ERICH3: variants seen among roughly 807,000 people sequenced by gnomAD.
ERICH3 encodes glutamate rich 3.
ERICH3 carries 126 observed loss-of-function variants against 131.1 expected under a neutral mutation model. The ratio of observed to expected loss-of-function variants is 0.96; its 90% CI spans 0.83 to 1.11. The LOEUF is 1.11. Among genes scored for constraint, ERICH3 ranks in the 50% most tolerant of loss-of-function variants. The pLI, the probability that ERICH3 is intolerant of heterozygous loss-of-function variation, is 0.00. For synonymous variants in ERICH3, 695 were observed against 644.6 expected (o/e 1.08, Z -1.18); for missense variants, 2,050 against 1,810.7 (o/e 1.13, Z -2.40).
intron 1 of ERICH3, among the ~76,000 whole-genome samples, chr1:74,667,598 T>C (rs1646704136): frequency 6.6e-6 from 1 of 152,208 alleles, no homozygotes; most frequent in Non-Finnish European, 1.5e-5. Flanking sequence ...TACCTCAGGT[T>C]CTGAATATTT....
At chr1:74,598,423 A>C (rs1012828723) in intron 11 of ERICH3, among the ~76,000 whole-genome samples, 6 of 151,918 alleles carry the variant, frequency 3.9e-5, no homozygotes, top group African/African-American at 1.4e-4. Context: ...TTTAATTAGA[A>C]AAGAAACTGT....
chr1:74,610,045 AC>A (rs1372319714), intron 9 of ERICH3, among the ~76,000 whole-genome samples: 1 of 152,052 alleles, frequency 6.6e-6, no homozygotes, highest in Non-Finnish European at 1.5e-5. Context: ...ATATATTTGC[AC>A]ATGGCTGATT....
intron 6 of ERICH3, among the ~76,000 whole-genome samples, chr1:74,635,881 G>A (rs557472301): frequency 3.3e-5 from 5 of 152,210 alleles, no homozygotes; most frequent in South Asian, 4.1e-4. Flanking sequence ...AAAGTAAGTC[G>A]GCATGCAAAT....
intron 6 of ERICH3, among the ~76,000 whole-genome samples, chr1:74,633,414 A>T (rs1646360063): frequency 1.3e-5 from 2 of 151,972 alleles, no homozygotes; most frequent in Non-Finnish European, 2.9e-5. Context: ...AAATAAGTAA[A>T]AAATAATGAC....
In ERICH3 at chr1:74,643,073, T is replaced by G. The variant is rs368977036; in HGVS notation, c.269A>C (p.Lys90Thr). The part of the protein sequence containing the change: ...MERYHQLEIK[K>T]KLETLARKER... ...CTTCCTAGCTAAGGTCTCCAATTTC[T>G]TTTTTATTTCAAGCTGATGGTAACG... The change falls in exon 4 of 15, where the codon AAG becomes ACG. Residue 90 changes from lysine (K) to threonine (T), a missense_variant. By Grantham distance (78) the Lys-to-Thr change is moderately conservative. Transcript: ENST00000326665. 3.0e-5 allele frequency: 49 copies of G among 1,610,854 alleles called. No individual in the cohort carries two copies. The highest frequency in any genetic ancestry group is 1.3e-5 in the African/African-American group (1 of 74,794).
At chr1:74,664,023 A>G (rs1318477543) in intron 1 of ERICH3, among the ~76,000 whole-genome samples, 3 of 152,096 alleles carry the variant, frequency 2.0e-5, no homozygotes. Context: ...TTTACATGGG[A>G]GATATAAAAA....
intron 6 of ERICH3, 27 bp from the exon 7 acceptor site, chr1:74,631,955 A>AC (rs1646342679): frequency 3.2e-6 from 5 of 1,583,870 alleles, no homozygotes; most frequent in Non-Finnish European, 4.3e-6. Flanking sequence ...TCGCATAAGA[A>AC]CCAGTGAAAC....
rs1166258932 is a variant in ERICH3 at position 74,591,330 on chromosome 1, C to A, written c.1727-1250G>T. On this transcript the variant is annotated intron_variant, in intron 11 of 14. Coordinates refer to ENST00000326665, the MANE Select transcript of ERICH3 (RefSeq NM_001002912.5). ...ATTTCAAGCCCCATCTCAATCTCAA[C>A]CTGATCCCATGGGCACTTCTGACAT... is the stretch of plus-strand genomic sequence containing the variant. Among the ~76,000 whole-genome samples, 133 of 152,164 alleles carry A rather than the reference C, an allele frequency of 8.7e-4. 3 individuals are homozygous for A. The highest frequency in any genetic ancestry group is 2.4e-4 in the Non-Finnish European group (16 of 68,026).
chr1:74,597,986 T>C (rs1417848699), intron 11 of ERICH3, among the ~76,000 whole-genome samples: 1 of 152,010 alleles, frequency 6.6e-6, no homozygotes, highest in Non-Finnish European at 1.5e-5. Flanking sequence ...TGCTGTAGTC[T>C]GCCACTGGTG....
intron 1 of ERICH3, among the ~76,000 whole-genome samples, chr1:74,665,047 A>G (rs1646676818): frequency 6.6e-6 from 1 of 152,120 alleles, no homozygotes; most frequent in South Asian, 2.1e-4. Flanking sequence ...TTGTATTAGG[A>G]GATGGGTTCT....
At chr1:74,639,222 A>G (rs1227469148) in intron 5 of ERICH3, among the ~76,000 whole-genome samples, 9 of 152,178 alleles carry the variant, frequency 5.9e-5, no homozygotes, top group Non-Finnish European at 4.4e-5. Flanking sequence ...CTCCTGTCAA[A>G]TAATCCAACT....
At chr1:74,651,461 T>A in intron 1 of ERICH3, among the ~76,000 whole-genome samples, 1 of 152,138 alleles carries the variant, frequency 6.6e-6, no homozygotes, top group East Asian at 1.9e-4. Context: ...TGAAACCATC[T>A]TTTAAATGAA....
chr1:74,631,993 T>C (rs1646342836), intron 6 of ERICH3, 65 bp from the exon 7 acceptor site: 1 of 1,422,702 alleles, frequency 7.0e-7, no homozygotes. Context: ...GTAACCCAAA[T>C]TTAAAGACAA....
intron 1 of ERICH3, among the ~76,000 whole-genome samples, chr1:74,672,902 A>G (rs1462706899): frequency 6.6e-6 from 1 of 152,152 alleles, no homozygotes; most frequent in African/African-American, 2.4e-5. Context: ...GAGTAAATAC[A>G]CAGGCACACA....
At chr1:74,611,678 G>A (rs1407260560) in intron 9 of ERICH3, among the ~76,000 whole-genome samples, 2 of 152,080 alleles carry the variant, frequency 1.3e-5, no homozygotes, top group Non-Finnish European at 2.9e-5. Flanking sequence ...ACAAACACGT[G>A]CCTGCTTCAT....
intron 7 of ERICH3, chr1:74,626,105 G>A (rs1649406407): frequency 6.6e-6 from 1 of 152,050 alleles, no homozygotes; most frequent in Non-Finnish European, 1.5e-5. Flanking sequence ...TTTATTTCAT[G>A]TTTCTCTTTA....
intron 8 of ERICH3, among the ~76,000 whole-genome samples, chr1:74,619,828 G>A (rs1649136880): frequency 6.6e-6 from 1 of 152,114 alleles, no homozygotes; most frequent in South Asian, 2.1e-4. Context: ...TCATTTAAGT[G>A]TTTACCATTT....
At chr1:74,645,149 T>G (rs1333545468) in intron 3 of ERICH3, among the ~76,000 whole-genome samples, 1 of 152,026 alleles carries the variant, frequency 6.6e-6, no homozygotes, top group East Asian at 1.9e-4. Flanking sequence ...CCTCCTCTTC[T>G]TTTCTGAACT....
At position 74,571,145 on chromosome 1, in the gene ERICH3, T is replaced by C. The variant is rs747293618; in HGVS notation, c.4565A>G (p.Asp1522Gly). ...HMVQGESETA[D>G]VSPNNVQV The stretch of plus-strand genomic sequence containing the variant: ...GACCTGCACGTTGTTGGGGGAAACA[T>C]CTGCAGTCTCGCTTTCTCCTTGCAC... The change falls in exon 14 of 15, where the codon GAT (aspartate) becomes GGT (glycine). Residue 1522 changes from aspartate to glycine, a missense_variant. Asp to Gly is a moderately conservative substitution (Grantham distance 94, BLOSUM62 -1). Transcript: ENST00000326665. 1.9e-6 allele frequency: 3 copies of C among 1,613,832 alleles called. No homozygotes were observed. The highest frequency in any genetic ancestry group is 1.3e-5 in the African/African-American group (1 of 74,914).
Sources: allele counts gnomAD v4.1 joint callset (sites outside exome capture counted in the v4.1 genomes callset), GRCh38; gene constraint gnomAD v4.1.1; transcripts MANE v1.5; gene names NCBI Gene and HGNC (gene_info 2026-07-23, HGNC 2026-07-21).